Variants in TTN observed in about 807,000 individuals in gnomAD.
TTN encodes the protein titin.
A neutral mutation model predicts 3,223.0 loss-of-function variants in TTN; 1,525 were observed. The ratio of observed to expected loss-of-function variants is 0.47; its 90% CI spans 0.45 to 0.49. TTN has a LOEUF of 0.49. Among genes scored for constraint, TTN ranks in the 20% least tolerant of loss-of-function variants. The pLI is 0.00. For missense variants in TTN, 40,786 were observed against 43,424.0 expected (o/e 0.94, Z 5.40); for synonymous variants, 14,094 against 15,161.0 (o/e 0.93, Z 5.17).
chr2:178,729,624 G>A (rs375664155), intron 63 of TTN, 40 bp downstream of exon 63: 1 of 1,613,444 alleles, frequency 6.2e-7, no homozygotes, highest in Non-Finnish European at 8.5e-7. Flanking sequence ...AACTTATCAG[G>A]CAGCACAGCC....
intron 164 of TTN, 119 bp downstream of exon 164, chr2:178,665,589 A>G (rs2065789178): frequency 7.7e-7 from 1 of 1,294,316 alleles, no homozygotes; most frequent in Non-Finnish European, 1.1e-6. Context: ...GAGGTATACA[A>G]TCTTGAGGAG....
intron 88 of TTN, among the ~76,000 whole-genome samples, chr2:178,716,078 T>G (rs908326914): frequency 1.3e-5 from 2 of 152,054 alleles, no homozygotes; most frequent in African/African-American, 4.8e-5. Flanking sequence ...TCAGAGATAA[T>G]AGCATGTATC....
chr2:178,672,064 C>G lies in TTN; in HGVS notation c.35134G>C (p.Glu11712Gln). The G allele has an allele frequency of 6.2e-7, 1 of 1,611,660 alleles. No individual in the cohort carries two copies. Among genetic ancestry groups the G allele is most frequent in the Non-Finnish European group, 8.5e-7 (1 of 1,178,980 alleles). The change falls in exon 155 of 363, where the codon GAA (glutamate) becomes CAA (glutamine). Residue 11712 changes from glutamate (E) to glutamine (Q), a missense_variant. By Grantham distance (29) the Glu-to-Gln change is conservative. Transcript: ENST00000589042. The stretch of plus-strand genomic sequence containing the variant: ...TGAACTTTTTCAACTCTGTGTTCTT[C>G]TTCAACTCTATGTTGTTCTAATTTG... Reference protein sequence around the residue: ...FIKLEQHRVEEEHRVEKVHRV... With the variant: ...FIKLEQHRVEQEHRVEKVHRV...
In TTN at chr2:178,546,762, A is replaced by C; in HGVS notation, c.94666T>G (p.Trp31556Gly). The change falls in exon 341 of 363, where the codon TGG becomes GGG. Residue 31556 changes from tryptophan to glycine, a missense_variant. By Grantham distance (184) the Trp-to-Gly change is radical. Transcript: ENST00000589042. The part of the protein sequence containing the change: ...KPVSEVGDGR[W>G]LKCNYTIVSD... Reference sequence around the variant, plus strand: ...ACAATGGTGTAGTTGCACTTCAGCCAGCGACCATCTCCTACCTCACTGACT... The same window carrying C: ...ACAATGGTGTAGTTGCACTTCAGCCCGCGACCATCTCCTACCTCACTGACT... The C allele has an allele frequency of 6.2e-7, 1 of 1,613,776 alleles. No individual in the cohort carries two copies. The highest frequency in any genetic ancestry group is 8.5e-7 in the Non-Finnish European group (1 of 1,179,756).
At position 178,693,702 on chromosome 2, in the gene TTN, T is replaced by G; in HGVS notation, c.31514-13A>C. 1.9e-6 allele frequency: 3 copies of G among 1,572,682 alleles called. No homozygotes were observed. The highest frequency in any genetic ancestry group is 2.6e-6 in the Non-Finnish European group (3 of 1,151,580). On this transcript the variant is annotated splice_polypyrimidine_tract_variant and intron_variant, in intron 118 of 362. Coordinates refer to ENST00000589042, the MANE Select transcript of TTN (RefSeq NM_001267550.2). Reference sequence around the variant, plus strand: ...TGTACCTCGGGGACTTAAAAAAATGTACATTTTAATTACTGATATGCCATG... The same window carrying G: ...TGTACCTCGGGGACTTAAAAAAATGGACATTTTAATTACTGATATGCCATG...
chr2:178,580,041 C>G lies in TTN; in HGVS notation c.67246G>C (p.Ala22416Pro), dbSNP rs4145333. 1,611,898 of 1,613,358 alleles carry G rather than the reference C, an allele frequency of 1. 805,230 individuals carry two copies. Among genetic ancestry groups the G allele is most frequent in the South Asian group, 1 (91,064 of 91,066 alleles). The change falls in exon 318 of 363, where the codon GCT (alanine) becomes CCT (proline). Residue 22416 changes from alanine to proline, a missense_variant. Transcript: ENST00000589042. ...TECSKTSFRVANLEEGKSYFF... is the reference protein window; with the variant it reads ...TECSKTSFRVPNLEEGKSYFF... ...TAGGATTTTCCCTCCTCCAAATTAG[C>G]TACTCTGAAGCTTGTTTTGGAGCAC...
Position 178,604,123 on chromosome 2 carries a change from A to C in TTN, c.54564T>G (p.Thr18188=). The C allele has an allele frequency of 6.2e-7, 1 of 1,612,422 alleles. No homozygotes were observed. The change falls in exon 282 of 363, where the codon ACT becomes ACG. Residue 18188 remains threonine (T), a synonymous_variant. Coordinates refer to ENST00000589042, the MANE Select transcript of TTN (RefSeq NM_001267550.2). ...RTKGSMLVSW[T]PPLDNGGSPI... is the part of the protein sequence containing the mutation. ...GAGAGCCACCATTGTCCAAAGGAGG[A>C]GTCCAGCTCACTAGCATTGATCCTT...
intron 238 of TTN, 59 bp downstream of exon 238, chr2:178,630,745 T>C: frequency 6.4e-7 from 1 of 1,560,690 alleles, no homozygotes; most frequent in Non-Finnish European, 8.6e-7. Context: ...GACTTTCACC[T>C]GTTCTTTTCT....
At chr2:178,711,010 A>G in intron 97 of TTN, 52 bp downstream of exon 97, 1 of 1,548,384 alleles carries the variant, frequency 6.5e-7, no homozygotes, top group Non-Finnish European at 8.7e-7. Context: ...CTAAGTTCAT[A>G]TTTGATTATA....
At chr2:178,613,329 C>A in intron 263 of TTN, 53 bp from the exon 264 acceptor site, 3 of 1,359,868 alleles carry the variant, frequency 2.2e-6, no homozygotes, top group Middle Eastern at 2.0e-4. Context: ...GCAGAAGAAG[C>A]CTATGTTTAT....
Position 178,792,210 on chromosome 2 carries a change from A to G in TTN, c.1537-13T>C. 2 of 1,598,818 alleles carry G rather than the reference A, an allele frequency of 1.3e-6. No homozygotes were observed. The highest frequency in any genetic ancestry group is 1.1e-5 in the South Asian group (1 of 87,278). ...TTTCTTTTCTTATCTGCAAAGAATGATTTAAGAAAAAACTTTATTTCCTGA... is the reference window on the plus strand; with the variant it reads ...TTTCTTTTCTTATCTGCAAAGAATGGTTTAAGAAAAAACTTTATTTCCTGA... On this transcript the variant is annotated splice_polypyrimidine_tract_variant and intron_variant, in intron 9 of 362. Coordinates refer to ENST00000589042, the MANE Select transcript of TTN (RefSeq NM_001267550.2).
chr2:178,527,921 C>T (rs1687164255), intron 361 of TTN, 173 bp from the exon 362 acceptor site: 1 of 592,252 alleles, frequency 1.7e-6, no homozygotes, highest in Non-Finnish European at 2.8e-6. Context: ...CAAGAGCTAG[C>T]TCAATGTCTC....
chr2:178,715,120 T>C lies in TTN; in HGVS notation c.26066A>G (p.Tyr8689Cys). Reference sequence around the variant, plus strand: ...TAGGAAGTTCTCAGACATTATCTTGTACTTCTTGCCGCTCCTAAGTTCTCT... The same window carrying C: ...TAGGAAGTTCTCAGACATTATCTTGCACTTCTTGCCGCTCCTAAGTTCTCT... The part of the protein sequence containing the change: ...DKRELRSGKK[Y>C]KIMSENFLTS... The change falls in exon 90 of 363, where the codon TAC becomes TGC. Residue 8689 changes from tyrosine (Y) to cysteine (C), a missense_variant. By Grantham distance (194) the Tyr-to-Cys change is radical (BLOSUM62 -2). Transcript: ENST00000589042. The C allele has an allele frequency of 6.2e-7, 1 of 1,613,758 alleles. No individual in the cohort carries two copies. The highest frequency in any genetic ancestry group is 8.5e-7 in the Non-Finnish European group (1 of 1,179,706).
chr2:178,750,445 T>C lies in TTN; in HGVS notation c.11311+2679A>G, dbSNP rs755411961. 1.9e-6 allele frequency: 3 copies of C among 1,612,644 alleles called. No homozygotes were observed. The African/African-American group carries it at 4.0e-5, about 22-fold the overall frequency. On this transcript the variant is annotated intron_variant, in intron 47 of 362. Coordinates refer to ENST00000589042, the MANE Select transcript of TTN (RefSeq NM_001267550.2). Reference sequence around the variant, plus strand: ...AATGAATGATAAAGTTTTGATTACGTGGGATTGGCATGTCATTGTTATACC... The same window carrying C: ...AATGAATGATAAAGTTTTGATTACGCGGGATTGGCATGTCATTGTTATACC...
intron 115 of TTN, among the ~76,000 whole-genome samples, 155 bp from the exon 116 acceptor site, chr2:178,695,061 G>GT (rs564489975): frequency 3.1e-4 from 46 of 150,122 alleles, no homozygotes; most frequent in Admixed American, 4.6e-4. Context: ...GATGAGTTCG[G>GT]TTTTTTTTTC....
At chr2:178,697,097 T>A in intron 113 of TTN, 24 bp downstream of exon 113, 1 of 1,524,312 alleles carries the variant, frequency 6.6e-7, no homozygotes, top group Non-Finnish European at 8.9e-7. Flanking sequence ...ATAAACAGAA[T>A]AAAAATAATT....
chr2:178,549,258 C>T lies in TTN; in HGVS notation c.92368G>A (p.Glu30790Lys), dbSNP rs371765494. The T allele has an allele frequency of 4.3e-6, 7 of 1,613,786 alleles. No homozygotes were observed. The highest frequency in any genetic ancestry group is 3.3e-5 in the Admixed American group (2 of 59,986). Residue 30790 changes from glutamate (E) to lysine (K), a missense_variant, in exon 339 of 363, where the codon GAG (glutamate) becomes AAG (lysine). Coordinates refer to ENST00000589042, the MANE Select transcript of TTN (RefSeq NM_001267550.2). ...FKVTGLTEGN[E>K]YEFHVMAENA... ...TCAGCCATGACATGGAATTCATACT[C>T]ATTGCCTTCTGTCAGACCAGTGACT... is the stretch of plus-strand genomic sequence containing the variant.
intron 45 of TTN, 37 bp downstream of exon 45, chr2:178,757,505 C>CAGTCCTTGA: frequency 6.6e-7 from 1 of 1,519,038 alleles, no homozygotes; most frequent in African/African-American, 1.4e-5. Flanking sequence ...GAGAGGTATA[C>CAGTCCTTGA]AGCAAATCAA....
chr2:178,593,892 C>T, intron 297 of TTN, 25 bp from the exon 298 acceptor site: 1 of 1,607,986 alleles, frequency 6.2e-7, no homozygotes, highest in East Asian at 2.2e-5. Context: ...AATCATGGCA[C>T]AAAATGTTAT....
Sources: allele counts gnomAD v4.1 joint callset (sites outside exome capture counted in the v4.1 genomes callset), GRCh38; gene constraint gnomAD v4.1.1; transcripts MANE v1.5; gene names NCBI Gene and HGNC (gene_info 2026-07-23, HGNC 2026-07-21).